TENM2: variants seen among roughly 807,000 people sequenced by gnomAD.
TENM2 encodes the protein teneurin transmembrane protein 2.
Under a neutral mutation model 245.2 loss-of-function variants are expected in TENM2, and 52 were observed. The ratio of observed to expected loss-of-function variants is 0.21; its 90% CI spans 0.17 to 0.27. TENM2 has a LOEUF of 0.27. Ranked by LOEUF, TENM2 falls within the 10% of genes least tolerant of loss-of-function variation. The probability of loss-of-function intolerance (pLI) is 1.00; values close to 1 mark genes in which losing one functional copy is unlikely to be tolerated. For missense variants in TENM2, 3,046 were observed against 3,666.8 expected (o/e 0.83, Z 4.37); for synonymous variants, 1,363 against 1,438.9 (o/e 0.95, Z 1.19).
At chr5:167,703,178 T>G (rs1361515464) in intron 2 of TENM2, among the ~76,000 whole-genome samples, 1 of 152,126 alleles carries the variant, frequency 6.6e-6, no homozygotes, top group African/African-American at 2.4e-5. Context: ...GTCCAGAAAT[T>G]TCCAATCCAT....
At chr5:168,183,557 G>A (rs1202589336) in intron 13 of TENM2, among the ~76,000 whole-genome samples, 1 of 152,092 alleles carries the variant, frequency 6.6e-6, no homozygotes, top group African/African-American at 2.4e-5. Flanking sequence ...GGCCTTTGCT[G>A]GCCAGCATTA....
intron 2 of TENM2, among the ~76,000 whole-genome samples, chr5:167,723,819 C>T (rs1759804349): frequency 6.6e-6 from 1 of 152,152 alleles, no homozygotes; most frequent in Non-Finnish European, 1.5e-5. Flanking sequence ...AATGAATGAA[C>T]GAAAGCAGGC....
the TENM2 span, among the ~76,000 whole-genome samples, chr5:167,122,056 G>A: frequency 6.6e-6 from 1 of 152,126 alleles, no homozygotes; most frequent in Non-Finnish European, 1.5e-5. Context: ...GAGGCAGAAA[G>A]ATTAAATTAC....
At chr5:168,040,502 C>T (rs1237407978) in intron 5 of TENM2, among the ~76,000 whole-genome samples, 3 of 152,194 alleles carry the variant, frequency 2.0e-5, no homozygotes, top group Admixed American at 6.5e-5. Flanking sequence ...GTGGGTGTAA[C>T]TTCCATGCAG....
intron 1 of TENM2, among the ~76,000 whole-genome samples, chr5:167,314,418 A>G (rs1042771363): frequency 7.9e-5 from 12 of 152,298 alleles, no homozygotes; most frequent in African/African-American, 2.9e-4. Context: ...TTTATAGATG[A>G]CAAATTAAAA....
At chr5:168,262,395 C>T (rs1768280407) in exon 29 of TENM2, 4 of 1,592,216 alleles carry the variant, frequency 2.5e-6, no homozygotes, top group Non-Finnish European at 3.4e-6. Context: ...CTAGGCACCA[C>T]CATCGGCCGC....
intron 3 of TENM2, among the ~76,000 whole-genome samples, chr5:167,929,065 GA>G (rs541566819): frequency 6.9e-3 from 34 of 4,928 alleles, no homozygotes; most frequent in African/African-American, 4.5e-3. Flanking sequence ...AAGAGAGAAA[GA>G]AAGAAAGAAA....
intron 2 of TENM2, among the ~76,000 whole-genome samples, chr5:167,595,837 G>C (rs1001431392): frequency 1.3e-5 from 2 of 152,140 alleles, no homozygotes; most frequent in Admixed American, 1.3e-4. Context: ...CTTGTGTAAA[G>C]CTTTATCCAC....
chr5:167,304,105 C>T lies in TENM2; in HGVS notation c.226+19042C>T, dbSNP rs113699642. ...TTAAGGACCAGGACAATTACACATA[C>T]GCAACCCATGAAGTGCAGAAAGTTA... On this transcript the variant is annotated intron_variant, in intron 1 of 28. Transcript: ENST00000518659. Among the ~76,000 whole-genome samples, 5 of 152,292 alleles carry T rather than the reference C, an allele frequency of 3.3e-5. No homozygotes were observed. In the South Asian group the frequency reaches 8.3e-4, roughly 25 times the overall value.
chr5:168,009,715 G>A (rs545328236), intron 5 of TENM2, among the ~76,000 whole-genome samples: 1 of 152,340 alleles, frequency 6.6e-6, no homozygotes, highest in African/African-American at 2.4e-5. Flanking sequence ...TATTGGGATT[G>A]CCTGTGAGGA....
chr5:166,987,585 A>C, the TENM2 span, among the ~76,000 whole-genome samples: 3 of 152,066 alleles, frequency 2.0e-5, no homozygotes, highest in African/African-American at 7.2e-5. Context: ...GTAAAGGGTA[A>C]AGCCAGACGG....
Position 167,493,753 on chromosome 5 carries a change from A to G in TENM2, c.502+118280A>G, listed in dbSNP as rs10475846. On this transcript the variant is annotated intron_variant, in intron 2 of 28. Transcript: ENST00000518659. ...TATACACACGTTTCTGTAGGGGTCC[A>G]CTCATTTATTCGGCATATATGTTCA... Among the ~76,000 whole-genome samples the G allele has an allele frequency of 9.4e-3, 1,437 of 152,176 alleles. 25 individuals are homozygous for G. Among genetic ancestry groups the G allele is most frequent in the African/African-American group, 0.033 (1,366 of 41,524 alleles).
chr5:167,164,653 T>C, the TENM2 span, among the ~76,000 whole-genome samples: 1 of 152,216 alleles, frequency 6.6e-6, no homozygotes, highest in Non-Finnish European at 1.5e-5. Context: ...GATAAATGAA[T>C]ATTAGCTTCA....
intron 9 of TENM2, among the ~76,000 whole-genome samples, chr5:168,118,070 C>T (rs2569049): frequency 0.076 from 11,600 of 152,258 alleles, 806 homozygotes; most frequent in East Asian, 0.31. Flanking sequence ...CTTTCTATAC[C>T]GTGCCCAGCA....
intron 2 of TENM2, among the ~76,000 whole-genome samples, chr5:167,738,275 G>T (rs920046743): frequency 6.6e-6 from 1 of 152,132 alleles, no homozygotes; most frequent in Non-Finnish European, 1.5e-5. Flanking sequence ...GCATTGGGGG[G>T]CTGTTATAAC....
chr5:168,185,968 GAATTTATA>G (rs1760385650), intron 13 of TENM2: 1 of 3,336 alleles, frequency 3.0e-4, no homozygotes, highest in Non-Finnish European at 5.6e-4. Context: ...ATATATATTT[GAATTTATA>G]TATATATATA....
chr5:167,451,091 C>G (rs554262312), intron 2 of TENM2, among the ~76,000 whole-genome samples: 1 of 152,272 alleles, frequency 6.6e-6, no homozygotes, highest in African/African-American at 2.4e-5. Flanking sequence ...ACAGGATGTC[C>G]ATTAAATAAT....
the TENM2 span, among the ~76,000 whole-genome samples, chr5:167,269,342 A>G: frequency 6.6e-6 from 1 of 152,058 alleles, no homozygotes; most frequent in Non-Finnish European, 1.5e-5. Flanking sequence ...GTTCTGTGCC[A>G]GCTACTGGAG....
the TENM2 span, among the ~76,000 whole-genome samples, chr5:167,134,550 A>C: frequency 6.6e-6 from 1 of 152,218 alleles, no homozygotes; most frequent in African/African-American, 2.4e-5. Context: ...TGTTGATTTC[A>C]GTCGGCAAGA....
Sources: gnomAD v4.1 joint callset for allele counts (sites outside exome capture counted in the v4.1 genomes callset) on GRCh38, gnomAD v4.1.1 for gene constraint, MANE v1.5 for transcripts, NCBI Gene and HGNC (gene_info 2026-07-23, HGNC 2026-07-21) for gene names.